IL17REL: variants seen among roughly 807,000 people sequenced by gnomAD.
IL17REL encodes interleukin 17 receptor E like.
IL17REL carries 36 observed loss-of-function variants against 49.0 expected under a neutral mutation model. The observed-to-expected ratio is 0.73, with a 90% CI of 0.56 to 0.97. The LOEUF is 0.97. Among genes scored for constraint, IL17REL ranks in the 50% least tolerant of loss-of-function variants. The pLI, the probability that IL17REL is intolerant of heterozygous loss-of-function variation, is 0.00. For synonymous variants in IL17REL, 206 were observed against 192.4 expected (o/e 1.07, Z -0.58); for missense variants, 470 against 453.9 (o/e 1.04, Z -0.32).
chr22:49,999,676 CGCGGAGGTGGGTGGGGCCTAGGCCTGG>C (rs2061063212), intron 5 of IL17REL, 125 bp downstream of exon 7: 1 of 269,380 alleles, frequency 3.7e-6, no homozygotes, highest in Non-Finnish European at 5.9e-6. Flanking sequence ...GGGGGCGGGG[CGCGGAGGTGGGTGGGGCCTAGGCCTGG>C]CCGGGGGCGG....
At chr22:50,001,753 G>A (rs1340083740) in intron 1 of IL17REL, among the ~76,000 whole-genome samples, 4 of 152,234 alleles carry the variant, frequency 2.6e-5, no homozygotes, top group Non-Finnish European at 5.9e-5. Context: ...CTCACCAGAC[G>A]TGGGCAGTGT....
At chr22:49,992,983 C>T (rs1459279319), downstream of IL17REL, among the ~76,000 whole-genome samples, 1 of 152,228 alleles carries the variant, frequency 6.6e-6, no homozygotes, top group East Asian at 1.9e-4. Context: ...CCTCACCCCA[C>T]ACTGGCACCA....
chr22:49,993,729 G>C (rs1018148823), downstream of IL17REL, among the ~76,000 whole-genome samples: 2 of 152,190 alleles, frequency 1.3e-5, no homozygotes, highest in Admixed American at 1.3e-4. This position sits in a 1 kb window ranked among gnomAD's most constrained non-coding sequence, Gnocchi z 6.0. Context: ...ACACCCGTCA[G>C]GCAGGAGCTC....
exon 5 of IL17REL, chr22:49,999,916 T>C (rs964619891): frequency 1.3e-6 from 2 of 1,535,534 alleles, no homozygotes; most frequent in East Asian, 5.1e-5. Context: ...CCTGGGCACT[T>C]GCACCAGAAT....
chr22:50,000,706 GCGC>G, intron 3 of IL17REL, 45 bp downstream of exon 4: 1 of 1,544,624 alleles, frequency 6.5e-7, no homozygotes, highest in Non-Finnish European at 8.8e-7. Context: ...AGGAGGAGTG[GCGC>G]CCAGTCTTCG....
chr22:50,009,496 A>C (rs1248895331), upstream of IL17REL, among the ~76,000 whole-genome samples: 1 of 152,178 alleles, frequency 6.6e-6, no homozygotes, highest in Non-Finnish European at 1.5e-5. Context: ...CCCTCAGAGC[A>C]GGGCAGGACC....
intron 1 of IL17REL, among the ~76,000 whole-genome samples, chr22:50,005,099 A>G (rs1288262284): frequency 1.3e-5 from 2 of 152,076 alleles, no homozygotes; most frequent in Non-Finnish European, 2.9e-5. Flanking sequence ...GTGAAATAAA[A>G]TGTATAAAAA....
chr22:49,997,438 C>A, intron 10 of IL17REL: 1 of 1,607,948 alleles, frequency 6.2e-7, no homozygotes, highest in African/African-American at 1.3e-5. Context: ...GAAGGTGACC[C>A]GGAGGTGGCC....
chr22:49,997,554 C>T (rs529742764), intron 10 of IL17REL, 71 bp from the exon 13 acceptor site: 1 of 1,336,558 alleles, frequency 7.5e-7, no homozygotes, highest in African/African-American at 1.4e-5. Flanking sequence ...CCCCAGTGGG[C>T]CTGGCGCCTG....
chr22:50,004,580 T>C (rs2061098049), intron 1 of IL17REL, among the ~76,000 whole-genome samples: 2 of 152,114 alleles, frequency 1.3e-5, no homozygotes, highest in South Asian at 4.2e-4. Context: ...GTCATCCATA[T>C]GTGTGAGGCC....
chr22:50,000,753 C>A lies in IL17REL; in HGVS notation c.219+1G>T. ...GTGGCAGAGCCCTGCCTTGGCCTCA[C>A]CTGCTGCCCCCCCTGCTGCCGGTGG... On this transcript the variant is annotated splice_donor_variant, in intron 3 of 12. Transcript: ENST00000341280. LOFTEE classifies it high-confidence loss of function. 1 of 1,585,594 alleles carries A rather than the reference C, an allele frequency of 6.3e-7. No homozygotes were observed. The highest frequency in any genetic ancestry group is 1.8e-5 in the Admixed American group (1 of 57,024).
At chr22:49,993,056 C>A (rs539703751), downstream of IL17REL, among the ~76,000 whole-genome samples, 95 of 152,352 alleles carry the variant, frequency 6.2e-4, no homozygotes, top group African/African-American at 1.9e-3. The surrounding 1 kb of genome is among the most constrained non-coding windows in gnomAD (Gnocchi z 6.0). Context: ...CAAAGGTCAG[C>A]TCCATGATCC....
downstream of IL17REL, among the ~76,000 whole-genome samples, chr22:49,992,753 G>A (rs530792238): frequency 4.6e-5 from 7 of 152,312 alleles, no homozygotes; most frequent in East Asian, 9.6e-4. Context: ...GAGTAGCTGG[G>A]ATTACAGGTG....
chr22:50,006,046 C>G lies in IL17REL; in HGVS notation c.-42+2591G>C, dbSNP rs572504957. ...AAGCAGGGCGTAGGAGGTTGCTTTA[C>G]AGGGGTGGAGGATGGAGGGAACGTT... On this transcript the variant is annotated intron_variant, in intron 1 of 12. Coordinates refer to ENST00000341280, the Ensembl canonical transcript of IL17REL. 1.8e-4 allele frequency among the ~76,000 whole-genome samples: 27 copies of G among 152,058 alleles called. No individual in the cohort carries two copies. In the South Asian group the frequency reaches 5.6e-3, roughly 32 times the overall value.
chr22:49,997,007 C>G, exon 12 of IL17REL: 2 of 1,531,482 alleles, frequency 1.3e-6, no homozygotes, highest in Non-Finnish European at 1.8e-6. Flanking sequence ...GATGCAGATG[C>G]CTGGGGCACA....
At chr22:49,996,613 A>G (rs2061036011) in exon 13 of IL17REL, 1 of 173,748 alleles carries the variant, frequency 5.8e-6, no homozygotes, top group Non-Finnish European at 1.2e-5. Context: ...GTGGAGGGAA[A>G]TGCAAGGCTG....
At chr22:50,001,671 C>T (rs541547663) in intron 1 of IL17REL, among the ~76,000 whole-genome samples, 71 of 152,382 alleles carry the variant, frequency 4.7e-4, no homozygotes, top group South Asian at 4.1e-3. Flanking sequence ...CACAGGGAAG[C>T]GGCCGCATCC....
intron 1 of IL17REL, among the ~76,000 whole-genome samples, chr22:50,006,954 C>CAAA (rs34032002): frequency 1.4e-4 from 14 of 101,888 alleles, no homozygotes; most frequent in African/African-American, 2.8e-4. Context: ...GACTCTGTCT[C>CAAA]AAAAAAAAAA....
At chr22:49,997,897 G>T (rs901055046) in intron 9 of IL17REL, 128 bp downstream of exon 11, 33 of 1,414,794 alleles carry the variant, frequency 2.3e-5, no homozygotes, top group Middle Eastern at 2.4e-4. Context: ...CAGACCAGGA[G>T]GGGGCTCTGA....
Sources: gnomAD v4.1 joint callset for allele counts (sites outside exome capture counted in the v4.1 genomes callset) on GRCh38, gnomAD v4.1.1 for gene constraint, Gnocchi (gnomAD v3.1) non-coding constraint, MANE v1.5 for transcripts, NCBI Gene and HGNC (gene_info 2026-07-23, HGNC 2026-07-21) for gene names.